Variants in ANKAR observed in about 807,000 individuals in gnomAD.
ANKAR encodes ankyrin and armadillo repeat containing, also known as ankyrin and armadillo repeat-containing protein.
ANKAR carries 136 observed loss-of-function variants against 146.2 expected under a neutral mutation model. That is an observed-to-expected ratio of 0.93 (90% confidence interval 0.81 to 1.07). The LOEUF (loss-of-function observed/expected upper bound fraction) is 1.07, where lower values mean the gene tolerates loss of function less well. Ranked by LOEUF, ANKAR falls within the 50% of genes least tolerant of loss-of-function variation. ANKAR has a pLI of 0.00. For missense variants in ANKAR, 1,567 were observed against 1,679.9 expected, an observed-to-expected ratio of 0.93 and a Z score of 1.18; for synonymous variants, 500 against 575.8, an observed-to-expected ratio of 0.87 and a Z score of 1.88.
At chr2:189,726,010 A>C (rs1038509922) in intron 12 of ANKAR, among the ~76,000 whole-genome samples, 3 of 152,234 alleles carry the variant, frequency 2.0e-5, no homozygotes, top group Non-Finnish European at 4.4e-5. Flanking sequence ...AAATAAATAG[A>C]GAATAAGGTA....
chr2:189,715,083 T>C (rs2040252259), intron 10 of ANKAR, among the ~76,000 whole-genome samples: 3 of 149,686 alleles, frequency 2.0e-5, no homozygotes, highest in Admixed American at 2.0e-4. Flanking sequence ...GAGAAATAAC[T>C]AAGATCAGAG....
intron 2 of ANKAR, among the ~76,000 whole-genome samples, chr2:189,685,309 G>T (rs2035403389): frequency 6.6e-6 from 1 of 151,032 alleles, no homozygotes; most frequent in Non-Finnish European, 1.5e-5. Flanking sequence ...GAACAATCGT[G>T]GTTTTTTTTT....
chr2:189,698,304 G>C (rs777286085), intron 7 of ANKAR, among the ~76,000 whole-genome samples: 7 of 151,646 alleles, frequency 4.6e-5, no homozygotes, highest in Non-Finnish European at 8.8e-5. Flanking sequence ...TTCAGTTTGG[G>C]GAGTTTTCTC....
At chr2:189,747,599 T>C (rs1172339766), downstream of ANKAR, among the ~76,000 whole-genome samples, 1 of 152,188 alleles carries the variant, frequency 6.6e-6, no homozygotes, top group African/African-American at 2.4e-5. Flanking sequence ...ATGTCTTTGC[T>C]CAAATAGCAA....
intron 1 of ANKAR, among the ~76,000 whole-genome samples, chr2:189,675,495 T>C (rs544537725): frequency 6.6e-6 from 1 of 152,086 alleles, no homozygotes; most frequent in East Asian, 1.9e-4. Flanking sequence ...ATTACAGGCA[T>C]GTACGACCAC....
intron 18 of ANKAR, chr2:189,753,974 T>C (rs765830477): frequency 4.3e-6 from 7 of 1,613,728 alleles, no homozygotes; most frequent in Middle Eastern, 1.6e-4. Context: ...AATAGCCCGA[T>C]GTGTTCTTTT....
chr2:189,690,773 G>A lies in ANKAR; in HGVS notation c.1039+809G>A, dbSNP rs1012628765. On this transcript the variant is annotated intron_variant, in intron 3 of 22. Transcript: ENST00000684021. ...AGAAATGGAATTATGACAGGGCATG[G>A]CTCTTGGGTGGTGGGGAGCATGTAT... is the stretch of plus-strand genomic sequence containing the variant. Among the ~76,000 whole-genome samples, 3 of 152,154 alleles carry A rather than the reference G, an allele frequency of 2.0e-5. No individual in the cohort carries two copies. In the East Asian group the frequency reaches 5.8e-4, roughly 29 times the overall value.
intron 7 of ANKAR, among the ~76,000 whole-genome samples, chr2:189,699,352 T>G (rs140420631): frequency 0.02 from 3,000 of 152,290 alleles, 39 homozygotes; most frequent in Non-Finnish European, 0.031. Flanking sequence ...TTTTAGGGTT[T>G]TTTCTCCTAT....
downstream of ANKAR, chr2:189,762,710 C>T: frequency 3.0e-6 from 3 of 985,356 alleles, no homozygotes; most frequent in Non-Finnish European, 3.6e-6. Context: ...CAGTAGCTAG[C>T]ACTTGTCTCC....
chr2:189,691,618 A>G (rs914626957), intron 3 of ANKAR, among the ~76,000 whole-genome samples: 2 of 151,572 alleles, frequency 1.3e-5, no homozygotes, highest in African/African-American at 4.8e-5. Flanking sequence ...TGTTTTGAGC[A>G]TACTTTTGAA....
In ANKAR at chr2:189,733,094, A is replaced by T. The variant is rs773861289; in HGVS notation, c.3301-13A>T. The T allele has an allele frequency of 5.7e-6, 9 of 1,592,522 alleles. 1 individual carries two copies. In the South Asian group the frequency reaches 1.0e-4, roughly 18 times the overall value. The stretch of plus-strand genomic sequence containing the variant: ...CATAATTGAAAAGTAATTTCTGAAA[A>T]CCACATGTTTAGGTTGAAGTGGCAT... On this transcript the variant is annotated splice_polypyrimidine_tract_variant and intron_variant, in intron 16 of 22. Transcript: ENST00000684021.
chr2:189,704,562 T>A (rs2038598165), intron 7 of ANKAR, among the ~76,000 whole-genome samples: 2 of 86,060 alleles, frequency 2.3e-5, no homozygotes, highest in Admixed American at 2.5e-4. Context: ...TATATATATA[T>A]ATATATATAT....
chr2:189,748,257 C>T (rs2044472342), downstream of ANKAR, among the ~76,000 whole-genome samples: 1 of 152,182 alleles, frequency 6.6e-6, no homozygotes, highest in Non-Finnish European at 1.5e-5. Context: ...GGTTGGACGG[C>T]AATAGTGCAA....
intron 16 of ANKAR, among the ~76,000 whole-genome samples, chr2:189,731,056 A>G (rs1170324274): frequency 6.6e-6 from 1 of 152,212 alleles, no homozygotes; most frequent in African/African-American, 2.4e-5. Context: ...GCCTTCTGTC[A>G]AGCAGCCTCT....
Position 189,730,600 on chromosome 2 carries a change from A to C in ANKAR, c.3299A>C (p.Lys1100Thr). The change falls in exon 16 of 23, where the codon AAG becomes ACG. Residue 1100 changes from lysine to threonine, a missense_variant and splice_region_variant. Lys to Thr is a moderately conservative substitution (Grantham distance 78). Coordinates refer to ENST00000684021, the MANE Select transcript of ANKAR (RefSeq NM_001378068.1). ...LLRNHPSPNI[K>T]VEVAFSLACI... ...AGAAATCACCCTTCTCCTAACATTAAGGTATAAAGGTTTACATTGTTTTCT... is the reference window on the plus strand; with the variant it reads ...AGAAATCACCCTTCTCCTAACATTACGGTATAAAGGTTTACATTGTTTTCT... 6 of 1,513,560 alleles carry C rather than the reference A, an allele frequency of 4.0e-6. No individual in the cohort carries two copies. Among genetic ancestry groups the C allele is most frequent in the Non-Finnish European group, 5.4e-6 (6 of 1,112,016 alleles). The allele number at this position is 1,513,560 out of a possible 1,614,324, so 93.8% of individuals were successfully genotyped here.
At chr2:189,724,964 C>A (rs922695863) in intron 12 of ANKAR, among the ~76,000 whole-genome samples, 6 of 152,040 alleles carry the variant, frequency 3.9e-5, no homozygotes, top group African/African-American at 1.4e-4. Context: ...AAACACAGTG[C>A]ATTATATACC....
intron 2 of ANKAR, among the ~76,000 whole-genome samples, chr2:189,687,597 C>G (rs2035804468): frequency 6.6e-6 from 1 of 152,286 alleles, no homozygotes; most frequent in Admixed American, 6.5e-5. Flanking sequence ...CTAGGGTTCC[C>G]TTTTCTCCAC....
intron 16 of ANKAR, among the ~76,000 whole-genome samples, chr2:189,732,584 C>A (rs1468516509): frequency 6.7e-6 from 1 of 149,612 alleles, no homozygotes; most frequent in Non-Finnish European, 1.5e-5. Context: ...TCGCTTGAAC[C>A]CAGGAGGTGG....
intron 10 of ANKAR, 58 bp downstream of exon 10, chr2:189,711,211 T>A: frequency 8.0e-7 from 1 of 1,250,110 alleles, no homozygotes; most frequent in Non-Finnish European, 1.1e-6. Context: ...TATATTTTAT[T>A]CATCAGTCAT....
Sources: allele counts gnomAD v4.1 joint callset (sites outside exome capture counted in the v4.1 genomes callset), GRCh38; gene constraint gnomAD v4.1.1; transcripts MANE v1.5; gene names NCBI Gene and HGNC (gene_info 2026-07-23, HGNC 2026-07-21).